Variants in RARS1 observed in about 807,000 individuals in gnomAD.
RARS1 encodes arginine--tRNA ligase, cytoplasmic.
A neutral mutation model predicts 78.7 loss-of-function variants in RARS1; 75 were observed. The observed-to-expected ratio is 0.95, with a 90% confidence interval of 0.79 to 1.15. The LOEUF (loss-of-function observed/expected upper bound fraction) is 1.15, where lower values mean the gene tolerates loss of function less well. Ranked by LOEUF, RARS1 falls within the 50% of genes most tolerant of loss-of-function variation. The pLI, the probability that RARS1 is intolerant of heterozygous loss-of-function variation, is 0.00. For missense variants in RARS1, 787 were observed against 787.5 expected (o/e 1.00, Z 0.01); for synonymous variants, 273 against 268.2 (o/e 1.02, Z -0.18).
chr5:168,495,050 T>C (rs1281114474), intron 5 of RARS1: 4 of 451,036 alleles, frequency 8.9e-6, no homozygotes, highest in Admixed American at 8.7e-5. Context: ...AGGTAGCCAA[T>C]TGATACACAG....
intron 7 of RARS1, among the ~76,000 whole-genome samples, chr5:168,499,259 C>T (rs1423744239): frequency 1.3e-5 from 2 of 152,038 alleles, no homozygotes; most frequent in Non-Finnish European, 2.9e-5. Flanking sequence ...CTGCATTGAG[C>T]TGTGATCTTA....
At chr5:168,494,714 G>GT (rs1443287909) in intron 5 of RARS1, 64 bp downstream of exon 5, 71 of 1,160,130 alleles carry the variant, frequency 6.1e-5, no homozygotes, top group Middle Eastern at 5.5e-4. Context: ...AAGCATGGTG[G>GT]TATGTGCCTA....
intron 7 of RARS1, among the ~76,000 whole-genome samples, chr5:168,500,289 C>G (rs1352055897): frequency 6.6e-6 from 1 of 151,840 alleles, no homozygotes; most frequent in Non-Finnish European, 1.5e-5. Context: ...TCAGTCCTAC[C>G]TGTTAGCTAT....
intron 12 of RARS1, 46 bp from the exon 13 acceptor site, chr5:168,516,732 A>G: frequency 6.3e-7 from 1 of 1,590,580 alleles, no homozygotes; most frequent in South Asian, 1.1e-5. Flanking sequence ...CCAGGGCAGA[A>G]GCAGCAGTCA....
intron 9 of RARS1, among the ~76,000 whole-genome samples, chr5:168,503,566 T>TCAA (rs778847489): frequency 5.3e-5 from 8 of 152,148 alleles, no homozygotes; most frequent in Non-Finnish European, 8.8e-5. Flanking sequence ...CCATTTTGGC[T>TCAA]AAGTAACTTC....
chr5:168,514,282 G>A (rs1293484481), intron 12 of RARS1, among the ~76,000 whole-genome samples: 1 of 152,064 alleles, frequency 6.6e-6, no homozygotes, highest in Non-Finnish European at 1.5e-5. Context: ...GAGAATTCTT[G>A]GCCCTATCTC....
chr5:168,488,522 T>A, intron 1 of RARS1, 80 bp from the exon 2 acceptor site: 1 of 1,421,796 alleles, frequency 7.0e-7, no homozygotes, highest in Non-Finnish European at 9.6e-7. Context: ...ATGATTCCCA[T>A]GGTCTATGCC....
chr5:168,501,738 A>T (rs1014335805), intron 8 of RARS1, among the ~76,000 whole-genome samples: 79 of 151,458 alleles, frequency 5.2e-4, no homozygotes, highest in Non-Finnish European at 8.9e-4. Flanking sequence ...ATAATAATAA[A>T]AAGAAAGTAA....
chr5:168,499,116 A>C (rs1044063187), intron 7 of RARS1, among the ~76,000 whole-genome samples: 7 of 152,070 alleles, frequency 4.6e-5, no homozygotes, highest in African/African-American at 1.7e-4. Context: ...CCAGGAGTTC[A>C]AGACCAGCCT....
rs759672013 is a variant in RARS1, at chr5:168,506,760, G to A, written c.1275G>A (p.Met425Ile). The A allele has an allele frequency of 1.9e-6, 3 of 1,613,636 alleles. No individual in the cohort carries two copies. Among genetic ancestry groups the A allele is most frequent in the Non-Finnish European group, 2.5e-6 (3 of 1,179,848 alleles). ...AGACAATATTTGCTGCTGCTCAAAT[G>A]ATTGGTTGGTATGACCCTAAAGTAA... ...HFQTIFAAAQ[M>I]IGWYDPKVTR... Residue 425 changes from methionine (M) to isoleucine (I), a missense_variant, in exon 11 of 15, where the codon ATG becomes ATA. Physicochemically the swap from Met to Ile is conservative, Grantham distance 10. Coordinates refer to ENST00000231572, the MANE Select transcript of RARS1 (RefSeq NM_002887.4).
At chr5:168,498,248 TA>T (rs202134761) in intron 7 of RARS1, among the ~76,000 whole-genome samples, 2 of 151,172 alleles carry the variant, frequency 1.3e-5, no homozygotes, top group Non-Finnish European at 2.9e-5. Context: ...AAAATTATAT[TA>T]AAAAAAAGTA....
At chr5:168,487,324 C>T (rs1286332620) in intron 1 of RARS1, among the ~76,000 whole-genome samples, 1 of 152,020 alleles carries the variant, frequency 6.6e-6, no homozygotes, top group Non-Finnish European at 1.5e-5. Context: ...AGAGAGCACA[C>T]CACTGCACCA....
intron 3 of RARS1, 88 bp from the exon 4 acceptor site, chr5:168,493,806 A>C: frequency 1.0e-6 from 1 of 985,218 alleles, no homozygotes; most frequent in Non-Finnish European, 1.6e-6. Flanking sequence ...TCTTAACGTA[A>C]AATGCATCTC....
intron 9 of RARS1, among the ~76,000 whole-genome samples, chr5:168,502,460 C>T (rs1238346183): frequency 3.3e-5 from 5 of 149,348 alleles, no homozygotes; most frequent in Admixed American, 3.3e-4. Flanking sequence ...ATCCTCCCAC[C>T]TCGGCCTCCC....
chr5:168,493,011 C>T, intron 3 of RARS1, 164 bp downstream of exon 3: 1 of 597,638 alleles, frequency 1.7e-6, no homozygotes, highest in Non-Finnish European at 2.8e-6. Context: ...TATGTTTTAA[C>T]TTTTTTAGGC....
intron 11 of RARS1, among the ~76,000 whole-genome samples, chr5:168,508,605 G>A (rs1482274511): frequency 2.7e-5 from 3 of 112,606 alleles, no homozygotes; most frequent in African/African-American, 1.1e-4. Context: ...GGGCGACAGA[G>A]CAAGACTCTG....
At chr5:168,513,307 C>T (rs1337549656) in intron 12 of RARS1, among the ~76,000 whole-genome samples, 2 of 150,608 alleles carry the variant, frequency 1.3e-5, no homozygotes, top group South Asian at 4.2e-4. Context: ...ATCTGCCCTG[C>T]CACCGTGCCC....
chr5:168,494,256 T>C (rs529426242), intron 4 of RARS1: 4 of 985,418 alleles, frequency 4.1e-6, no homozygotes, highest in East Asian at 1.1e-4. Flanking sequence ...GGATAGATAA[T>C]GGCAGATAAG....
intron 4 of RARS1, 124 bp downstream of exon 4, chr5:168,494,126 CTG>C (rs1315228026): frequency 5.1e-5 from 64 of 1,249,978 alleles, no homozygotes; most frequent in Non-Finnish European, 6.8e-5. Context: ...GGTGAAAGCA[CTG>C]TGGATTGTGA....
Sources: allele counts gnomAD v4.1 joint callset (sites outside exome capture counted in the v4.1 genomes callset), GRCh38; gene constraint gnomAD v4.1.1; transcripts MANE v1.5; gene names NCBI Gene and HGNC (gene_info 2026-07-23, HGNC 2026-07-21).